The following FOXK2 variants were observed in gnomAD, a reference collection of about 807,000 sequenced individuals.
FOXK2 encodes the protein forkhead box K2, also known as forkhead box protein K2.
In FOXK2, 24 loss-of-function variants were observed where a neutral mutation model predicts 53.3. That is an observed-to-expected ratio of 0.45 (90% CI 0.33 to 0.63). The LOEUF (loss-of-function observed/expected upper bound fraction) is 0.63. Ranked by LOEUF, FOXK2 falls within the 30% of genes least tolerant of loss-of-function variation. The pLI is 0.03. For synonymous variants in FOXK2, 505 were observed against 407.1 expected, an observed-to-expected ratio of 1.24 and a Z score of -2.89; for missense variants, 952 against 910.5, an observed-to-expected ratio of 1.05 and a Z score of -0.59.
At chr17:82,520,389 G>C in intron 1 of FOXK2, 82 bp downstream of exon 1, 1 of 1,143,044 alleles carries the variant, frequency 8.7e-7, no homozygotes, top group Non-Finnish European at 1.1e-6. Flanking sequence ...GCCCAGGCCC[G>C]GGACCACCCA....
chr17:82,587,893 T>C (rs950126113), intron 8 of FOXK2, among the ~76,000 whole-genome samples: 16 of 152,170 alleles, frequency 1.1e-4, no homozygotes, highest in Admixed American at 6.5e-5. Context: ...GTTGGGTACA[T>C]GTGGGCTGTT....
At chr17:82,547,396 G>C (rs1599889402) in intron 1 of FOXK2, among the ~76,000 whole-genome samples, 1 of 151,618 alleles carries the variant, frequency 6.6e-6, no homozygotes, top group Non-Finnish European at 1.5e-5. Context: ...AATGTTTTAA[G>C]AAAGTTTATG....
chr17:82,572,785 C>G (rs1478989254), intron 4 of FOXK2, among the ~76,000 whole-genome samples: 3 of 152,078 alleles, frequency 2.0e-5, no homozygotes, highest in Non-Finnish European at 4.4e-5. Context: ...AAAAAAACAT[C>G]TAAACTACAT....
intron 1 of FOXK2, among the ~76,000 whole-genome samples, chr17:82,530,944 GA>G (rs1348237016): frequency 2.8e-4 from 43 of 152,316 alleles, no homozygotes; most frequent in African/African-American, 1.0e-3. Context: ...AGGATGTTAG[GA>G]TAATGAACAT....
At chr17:82,531,468 T>C (rs1001678688) in intron 1 of FOXK2, among the ~76,000 whole-genome samples, 1 of 152,166 alleles carries the variant, frequency 6.6e-6, no homozygotes, top group Non-Finnish European at 1.5e-5. Context: ...TTCTGAGAAA[T>C]GCATTGTTAG....
chr17:82,548,549 G>A (rs954605732), intron 1 of FOXK2, among the ~76,000 whole-genome samples: 10 of 152,142 alleles, frequency 6.6e-5, no homozygotes, highest in Non-Finnish European at 1.2e-4. Flanking sequence ...TGAGATAGGT[G>A]TATTGTGAAT....
Position 82,563,485 on chromosome 17 carries a change from TCAA to T in FOXK2, c.554_556del (p.Asn185del). 2 of 1,614,076 alleles carry T rather than the reference TCAA, an allele frequency of 1.2e-6. No individual in the cohort carries two copies. The highest frequency in any genetic ancestry group is 1.7e-6 in the Non-Finnish European group (2 of 1,180,004). On this transcript the variant is annotated inframe_deletion, in exon 2 of 9. Coordinates refer to ENST00000335255, the MANE Select transcript of FOXK2 (RefSeq NM_004514.4). ...CAGCCACACATCTCGCCCCTGACCA[TCAA>T]CATTCCAGACACCATGGCCCACCTC... is the stretch of plus-strand genomic sequence containing the variant.
chr17:82,559,306 A>G (rs4789701), intron 1 of FOXK2: 9,682 of 448,936 alleles, frequency 0.022, 788 homozygotes, highest in East Asian at 0.17. Flanking sequence ...TGTTCTTCCC[A>G]TCTCTGCTAC....
intron 8 of FOXK2, 134 bp from the exon 9 acceptor site, chr17:82,601,169 G>A: frequency 1.0e-6 from 1 of 970,894 alleles, no homozygotes; most frequent in Non-Finnish European, 1.5e-6. Context: ...GGGAGTGGCA[G>A]GACCCTTAGA....
At chr17:82,524,825 G>A (rs1415979621) in intron 1 of FOXK2, among the ~76,000 whole-genome samples, 2 of 152,150 alleles carry the variant, frequency 1.3e-5, no homozygotes, top group African/African-American at 2.4e-5. Context: ...TGCCTCCCAC[G>A]TGTGGCTGGC....
intron 3 of FOXK2, among the ~76,000 whole-genome samples, chr17:82,570,952 G>A (rs553701211): frequency 6.6e-6 from 1 of 152,282 alleles, no homozygotes; most frequent in East Asian, 1.9e-4. Context: ...GGGGCTCTTC[G>A]TGGGCCAGGG....
At chr17:82,569,592 C>G (rs1178131042) in intron 3 of FOXK2, among the ~76,000 whole-genome samples, 1 of 152,160 alleles carries the variant, frequency 6.6e-6, no homozygotes, top group Non-Finnish European at 1.5e-5. Flanking sequence ...ATAAATGTAT[C>G]ATGAGCTTTT....
At chr17:82,541,698 C>G (rs9897741) in intron 1 of FOXK2, among the ~76,000 whole-genome samples, 409 of 151,410 alleles carry the variant, frequency 2.7e-3, no homozygotes, top group African/African-American at 9.5e-3. Context: ...GTACCTGTTT[C>G]AAGAGGTAGG....
chr17:82,561,483 G>C (rs890108171), intron 1 of FOXK2, among the ~76,000 whole-genome samples: 2 of 152,122 alleles, frequency 1.3e-5, no homozygotes, highest in Non-Finnish European at 2.9e-5. Flanking sequence ...AAGAGAGGAG[G>C]CTCCGGTAAG....
chr17:82,561,837 C>A (rs72862306), intron 1 of FOXK2, among the ~76,000 whole-genome samples: 26,466 of 151,394 alleles, frequency 0.17, 2,672 homozygotes, highest in Non-Finnish European at 0.23. Flanking sequence ...AGGGCCATGG[C>A]GTAGCCTCCG....
intron 2 of FOXK2, among the ~76,000 whole-genome samples, chr17:82,565,499 G>A (rs79680939): frequency 0.04 from 6,147 of 152,230 alleles, 154 homozygotes; most frequent in Admixed American, 0.073. Context: ...GTTCAAAAAC[G>A]TGAAAGACAT....
intron 4 of FOXK2, among the ~76,000 whole-genome samples, chr17:82,579,351 ATAAAACAT>A (rs1159258518): frequency 2.0e-5 from 3 of 152,234 alleles, no homozygotes; most frequent in Non-Finnish European, 4.4e-5. Flanking sequence ...CTAAAGCCAA[ATAAAACAT>A]TATAGCAGTA....
chr17:82,597,597 G>A (rs1370152469), intron 8 of FOXK2, among the ~76,000 whole-genome samples: 2 of 152,216 alleles, frequency 1.3e-5, no homozygotes, highest in Non-Finnish European at 2.9e-5. Context: ...CGCGACAGAG[G>A]CTCTGTGAGG....
chr17:82,521,539 G>T (rs1003204625), intron 1 of FOXK2, among the ~76,000 whole-genome samples: 5 of 151,916 alleles, frequency 3.3e-5, no homozygotes, highest in South Asian at 2.1e-4. Flanking sequence ...TTTTCTTCTT[G>T]ACTTGCGTGT....
Sources: allele counts gnomAD v4.1 joint callset (sites outside exome capture counted in the v4.1 genomes callset), GRCh38; gene constraint gnomAD v4.1.1; transcripts MANE v1.5; gene names NCBI Gene and HGNC (gene_info 2026-07-23, HGNC 2026-07-21).